The following LHFPL3 variants were observed in gnomAD, a reference collection of about 807,000 sequenced individuals.
The protein encoded by LHFPL3 is LHFPL tetraspan subfamily member 3 protein.
A neutral mutation model predicts 19.3 loss-of-function variants in LHFPL3; 5 were observed. The ratio of observed to expected loss-of-function variants is 0.26; its 90% CI spans 0.14 to 0.54. The LOEUF (loss-of-function observed/expected upper bound fraction) is 0.54, where lower values mean the gene tolerates loss of function less well. Ranked by LOEUF, LHFPL3 falls within the 20% of genes least tolerant of loss-of-function variation. The pLI, the probability that LHFPL3 is intolerant of heterozygous loss-of-function variation, is 0.94. For synonymous variants in LHFPL3, 133 were observed against 126.2 expected (o/e 1.05, Z -0.36); for missense variants, 249 against 307.4 (o/e 0.81, Z 1.42).
At chr7:104,744,408 T>C (rs1037575138) in intron 2 of LHFPL3, among the ~76,000 whole-genome samples, 6 of 152,234 alleles carry the variant, frequency 3.9e-5, no homozygotes, top group African/African-American at 1.4e-4. Flanking sequence ...GTGAACTGCC[T>C]GTTTCCTGAT....
chr7:104,417,079 A>G (rs942651327), intron 1 of LHFPL3, among the ~76,000 whole-genome samples: 11 of 152,344 alleles, frequency 7.2e-5, no homozygotes, highest in Middle Eastern at 3.4e-3. Flanking sequence ...TGCTTTGTGG[A>G]AGACACGTTC....
intron 1 of LHFPL3, among the ~76,000 whole-genome samples, chr7:104,529,596 G>T (rs1449223065): frequency 1.3e-5 from 2 of 152,302 alleles, no homozygotes; most frequent in South Asian, 2.1e-4. Flanking sequence ...GAAAGAAATA[G>T]TCAGCTGGTT....
chr7:104,766,341 C>T (rs1347679817), intron 2 of LHFPL3, among the ~76,000 whole-genome samples: 2 of 152,228 alleles, frequency 1.3e-5, no homozygotes, highest in Non-Finnish European at 2.9e-5. Flanking sequence ...AAGGCTCTTA[C>T]ATCCTCTTAG....
chr7:104,420,524 C>G (rs1004676411), intron 1 of LHFPL3, among the ~76,000 whole-genome samples: 1 of 149,878 alleles, frequency 6.7e-6, no homozygotes, highest in Non-Finnish European at 1.5e-5. Context: ...TTAAGCTGTA[C>G]GTGGTTACTG....
intron 1 of LHFPL3, among the ~76,000 whole-genome samples, chr7:104,617,911 T>C (rs1791378282): frequency 6.6e-6 from 1 of 152,168 alleles, no homozygotes; most frequent in African/African-American, 2.4e-5. Flanking sequence ...CAACTCAAAA[T>C]ACCTTGGGCC....
At chr7:104,524,300 C>T (rs912204161) in intron 1 of LHFPL3, among the ~76,000 whole-genome samples, 3 of 152,082 alleles carry the variant, frequency 2.0e-5, no homozygotes, top group Non-Finnish European at 4.4e-5. Context: ...AAGAGTCAAA[C>T]TCTCGGGAAG....
At chr7:104,342,409 G>A (rs1322271676) in intron 1 of LHFPL3, among the ~76,000 whole-genome samples, 4 of 152,020 alleles carry the variant, frequency 2.6e-5, no homozygotes, top group African/African-American at 2.4e-5. Flanking sequence ...GCAGCCATAG[G>A]CAAATAATGC....
At chr7:104,497,309 GA>G (rs34908934) in intron 1 of LHFPL3, among the ~76,000 whole-genome samples, 18,498 of 96,636 alleles carry the variant, frequency 0.19, 2,522 homozygotes, top group African/African-American at 0.44. Context: ...TTGAGAAAAG[GA>G]AAAAAAAAAA....
intron 1 of LHFPL3, among the ~76,000 whole-genome samples, chr7:104,480,938 C>G (rs1421473493): frequency 6.6e-6 from 1 of 152,144 alleles, no homozygotes; most frequent in African/African-American, 2.4e-5. Flanking sequence ...AATAAAGACC[C>G]AGGACTGGTC....
intron 2 of LHFPL3, among the ~76,000 whole-genome samples, chr7:104,765,734 C>G (rs1007639435): frequency 3.9e-5 from 6 of 152,220 alleles, no homozygotes; most frequent in African/African-American, 1.4e-4. Context: ...AGCAGCAGAG[C>G]AGAGCCCCAT....
chr7:104,724,016 A>G (rs1240918612), intron 1 of LHFPL3, among the ~76,000 whole-genome samples: 1 of 152,196 alleles, frequency 6.6e-6, no homozygotes, highest in Non-Finnish European at 1.5e-5. Flanking sequence ...TTTGTGAAGA[A>G]TCAGAAATAA....
intron 2 of LHFPL3, among the ~76,000 whole-genome samples, chr7:104,750,813 C>G (rs985988724): frequency 2.2e-4 from 34 of 152,034 alleles, no homozygotes; most frequent in African/African-American, 8.0e-4. Context: ...TGGGAATGCC[C>G]CAGTTTGTTG....
At chr7:104,665,763 A>G (rs1792322069) in intron 1 of LHFPL3, among the ~76,000 whole-genome samples, 1 of 152,208 alleles carries the variant, frequency 6.6e-6, no homozygotes. Context: ...GGACTTGTAG[A>G]TGAGGAGGAA....
chr7:104,462,906 T>C (rs1792700968), intron 1 of LHFPL3, among the ~76,000 whole-genome samples: 1 of 152,160 alleles, frequency 6.6e-6, no homozygotes, highest in Non-Finnish European at 1.5e-5. Flanking sequence ...TTATAACTGA[T>C]TCAATTTCAG....
rs200462052 is a variant in LHFPL3, at chr7:104,585,469, CAACACACACA to C, written c.446-151195_446-151186del. 0.011 allele frequency among the ~76,000 whole-genome samples: 599 copies of C among 54,604 alleles called. 32 individuals carry two copies. The East Asian group carries it at 0.2, about 18-fold the overall frequency. 35.8% of individuals were successfully genotyped at this position (54,604 alleles called of 152,430 possible). A position where few individuals can be genotyped will look rare whatever the true frequency, so the allele number is the denominator to read the frequency against. ...GATGAAAGTGGAAAGTGGAATAAGG[CAACACACACA>C]AACACACACACACACACACACACAC... On this transcript the variant is annotated intron_variant, in intron 1 of 2. Transcript: ENST00000424859.
At chr7:104,522,189 A>G (rs1306969878) in intron 1 of LHFPL3, among the ~76,000 whole-genome samples, 5 of 152,134 alleles carry the variant, frequency 3.3e-5, no homozygotes, top group Non-Finnish European at 4.4e-5. Context: ...CATATACACC[A>G]TGGAATACTA....
At chr7:104,521,653 A>G (rs549289658) in intron 1 of LHFPL3, among the ~76,000 whole-genome samples, 2 of 152,316 alleles carry the variant, frequency 1.3e-5, no homozygotes, top group Admixed American at 1.3e-4. Flanking sequence ...ACAAAGGGCT[A>G]ATATCCAGAA....
chr7:104,794,599 G>T (rs138570551), intron 2 of LHFPL3, among the ~76,000 whole-genome samples: 1 of 152,156 alleles, frequency 6.6e-6, no homozygotes, highest in South Asian at 2.1e-4. Context: ...CTCAAAAATA[G>T]CTGCTGGAAA....
intron 2 of LHFPL3, among the ~76,000 whole-genome samples, chr7:104,796,198 T>C (rs1252617373): frequency 6.6e-6 from 1 of 152,256 alleles, no homozygotes; most frequent in Non-Finnish European, 1.5e-5. Context: ...GGTGACAGCA[T>C]GTGCACTGAC....
Sources: allele counts gnomAD v4.1 joint callset (sites outside exome capture counted in the v4.1 genomes callset), GRCh38; gene constraint gnomAD v4.1.1; transcripts MANE v1.5; gene names NCBI Gene and HGNC (gene_info 2026-07-23, HGNC 2026-07-21).